The following ZNF532 variants were observed in gnomAD, a reference collection of about 807,000 sequenced individuals.
ZNF532 encodes the protein zinc finger protein 532.
A neutral mutation model predicts 89.3 loss-of-function variants in ZNF532; 22 were observed. The ratio of observed to expected loss-of-function variants is 0.25; its 90% CI spans 0.18 to 0.35. ZNF532 has a LOEUF of 0.35. Among genes scored for constraint, ZNF532 ranks in the 10% least tolerant of loss-of-function variants. The pLI is 1.00. For synonymous variants in ZNF532, 606 were observed against 649.6 expected, an observed-to-expected ratio of 0.93 and a Z score of 1.02; for missense variants, 1,132 against 1,643.4, an observed-to-expected ratio of 0.69 and a Z score of 5.38.
At chr18:58,954,307 C>T in intron 7 of ZNF532, 1 of 978,226 alleles carries the variant, frequency 1.0e-6, no homozygotes, top group Non-Finnish European at 1.2e-6. Flanking sequence ...ATCTGAGTCA[C>T]ATATGTATAT....
chr18:58,983,848 C>T (rs1303861691), intron 9 of ZNF532, 124 bp from the exon 10 acceptor site: 2 of 1,221,700 alleles, frequency 1.6e-6, no homozygotes, highest in Non-Finnish European at 2.3e-6. Context: ...AGCTTTAAAG[C>T]CCCTAAATCC....
At chr18:58,863,401 G>A (rs1172325703), upstream of ZNF532, 18 of 131,786 alleles carry the variant, frequency 1.4e-4, no homozygotes, top group African/African-American at 4.5e-4. Flanking sequence ...CGCCGGCCGC[G>A]GGGCTTCGCG....
chr18:58,922,985 A>T (rs1336534592), intron 3 of ZNF532, among the ~76,000 whole-genome samples: 1 of 151,516 alleles, frequency 6.6e-6, no homozygotes, highest in Non-Finnish European at 1.5e-5. Context: ...GGAGAGATGA[A>T]CATCTTTTCT....
intron 7 of ZNF532, among the ~76,000 whole-genome samples, chr18:58,965,359 G>A (rs1300318389): frequency 2.0e-5 from 3 of 152,166 alleles, no homozygotes; most frequent in Admixed American, 1.3e-4. Flanking sequence ...TTTAGGTGAG[G>A]AAATGAAGCC....
intron 2 of ZNF532, among the ~76,000 whole-genome samples, chr18:58,879,653 C>T (rs1223529009): frequency 2.0e-5 from 3 of 152,090 alleles, no homozygotes; most frequent in Admixed American, 6.6e-5. Context: ...CCTCCCAAAG[C>T]GCTGGGATTA....
At chr18:58,889,614 A>ATGGTGAAACCCCCTCTTCCTGGCCAG (rs2058739051) in intron 2 of ZNF532, among the ~76,000 whole-genome samples, 1 of 151,354 alleles carries the variant, frequency 6.6e-6, no homozygotes, top group Non-Finnish European at 1.5e-5. Context: ...AGCCTGGCCA[A>ATGGTGAAACCCCCTCTTCCTGGCCAG]TATGGTGAAA....
intron 7 of ZNF532, among the ~76,000 whole-genome samples, chr18:58,975,452 A>G (rs2066938139): frequency 6.6e-6 from 1 of 152,330 alleles, no homozygotes; most frequent in East Asian, 1.9e-4. Flanking sequence ...AGAAACAGAA[A>G]GGACAAGTTA....
In ZNF532 at chr18:58,879,802, C is replaced by T. The variant is rs535061467; in HGVS notation, c.-18+14223C>T. Among the ~76,000 whole-genome samples, 87 of 152,196 alleles carry T rather than the reference C, an allele frequency of 5.7e-4. No individual in the cohort carries two copies. The Middle Eastern group carries it at 0.01, about 18-fold the overall frequency. ...GGGGTGGATTTTCCTTCGTTCATTC[C>T]GTCTTTCGTCTGTTCTCCTTACAGC... is the stretch of plus-strand genomic sequence containing the variant. On this transcript the variant is annotated intron_variant, in intron 2 of 9. Transcript: ENST00000591808.
At chr18:58,936,378 G>A (rs188331984) in intron 4 of ZNF532, among the ~76,000 whole-genome samples, 4 of 152,252 alleles carry the variant, frequency 2.6e-5, no homozygotes, top group Admixed American at 1.3e-4. Flanking sequence ...GCTCTTCTTT[G>A]CACTAATGTC....
intron 8 of ZNF532, 171 bp from the exon 9 acceptor site, chr18:58,981,299 A>T: frequency 1.3e-6 from 1 of 767,204 alleles, no homozygotes; most frequent in Non-Finnish European, 2.2e-6. Flanking sequence ...CCTGTAAATT[A>T]AGGGCCACTC....
Position 58,888,852 on chromosome 18 carries a change from TAA to T in ZNF532, c.-18+23274_-18+23275del, listed in dbSNP as rs2058632698. Among the ~76,000 whole-genome samples the T allele has an allele frequency of 2.6e-4, 10 of 39,110 alleles. 1 individual carries two copies. The South Asian group carries it at 5.7e-3, about 22-fold the overall frequency. The allele number at this position is 39,110 out of a possible 152,430, so 25.7% of individuals were successfully genotyped here. ...ATTATATATATAATTTATATATATA[TAA>T]TTTATATATATATAATATATATTAT... On this transcript the variant is annotated intron_variant, in intron 2 of 9. Transcript: ENST00000591808.
At chr18:58,982,750 CTCAGAATATAAG>C (rs1451724035) in intron 9 of ZNF532, among the ~76,000 whole-genome samples, 1 of 152,164 alleles carries the variant, frequency 6.6e-6, no homozygotes, top group Non-Finnish European at 1.5e-5. Context: ...GTAAAACCTC[CTCAGAATATAAG>C]TCAGACTGAT....
At chr18:58,976,502 G>A (rs941613560) in intron 7 of ZNF532, among the ~76,000 whole-genome samples, 22 of 152,012 alleles carry the variant, frequency 1.4e-4, no homozygotes, top group Non-Finnish European at 2.8e-4. Context: ...AATCTGTTAG[G>A]ATTTGGTGAA....
intron 7 of ZNF532, among the ~76,000 whole-genome samples, chr18:58,975,434 G>GCACAGAAACAGAGACCCA (rs2066935974): frequency 6.6e-6 from 1 of 151,952 alleles, no homozygotes; most frequent in Non-Finnish European, 1.5e-5. Context: ...ACAGAGACCC[G>GCACAGAAACAGAGACCCA]TAAGCACAGA....
At position 58,953,667 on chromosome 18, in the gene ZNF532, A is replaced by G. The variant is rs775900059; in HGVS notation, c.3018A>G (p.Lys1006=). The part of the protein sequence containing the change: ...SMNGKEKLEK[K]SPSPVKKSME... ...ATGGGAAAGAGAAATTGGAAAAGAA[A>G]TCTCCATCTCCTGTGAAAAAATCAA... The change falls in exon 7 of 10, where the codon AAA becomes AAG. Residue 1006 remains lysine, a synonymous_variant. Transcript: ENST00000591808. 1 of 1,614,008 alleles carries G rather than the reference A, an allele frequency of 6.2e-7. No homozygotes were observed. Among genetic ancestry groups the G allele is most frequent in the Non-Finnish European group, 8.5e-7 (1 of 1,179,878 alleles).
At chr18:58,969,495 C>G (rs1371348101) in intron 7 of ZNF532, among the ~76,000 whole-genome samples, 1 of 152,184 alleles carries the variant, frequency 6.6e-6, no homozygotes, top group Non-Finnish European at 1.5e-5. Context: ...TACACAGCAC[C>G]TTCCTGGGAC....
intron 9 of ZNF532, 48 bp downstream of exon 9, chr18:58,981,665 C>G: frequency 6.2e-7 from 1 of 1,605,736 alleles, no homozygotes; most frequent in Non-Finnish European, 8.5e-7. Context: ...TGTTGACTTG[C>G]TTTTCCCATT....
intron 2 of ZNF532, among the ~76,000 whole-genome samples, chr18:58,883,750 C>G (rs2058085435): frequency 6.6e-6 from 1 of 151,458 alleles, no homozygotes; most frequent in Non-Finnish European, 1.5e-5. Context: ...TCCTTGACCT[C>G]TACCCACTAT....
At chr18:58,926,529 G>T (rs1276882444) in intron 3 of ZNF532, among the ~76,000 whole-genome samples, 1 of 152,096 alleles carries the variant, frequency 6.6e-6, no homozygotes, top group African/African-American at 2.4e-5. Flanking sequence ...TAGAGACAGG[G>T]TTGAGATGGG....
Sources: allele counts gnomAD v4.1 joint callset (sites outside exome capture counted in the v4.1 genomes callset), GRCh38; gene constraint gnomAD v4.1.1; transcripts MANE v1.5; gene names NCBI Gene and HGNC (gene_info 2026-07-23, HGNC 2026-07-21).